The following TCTN3 variants were observed in gnomAD, a reference collection of about 807,000 sequenced individuals.
The protein encoded by TCTN3 is tectonic family member 3, also known as tectonic-3.
In TCTN3, 57 loss-of-function variants were observed where a neutral mutation model predicts 71.3. The ratio of observed to expected loss-of-function variants is 0.80; its 90% CI spans 0.65 to 1.00. The LOEUF (loss-of-function observed/expected upper bound fraction) is 1.00, where lower values mean the gene tolerates loss of function less well. TCTN3 is among the 50% of genes least tolerant of loss of function. TCTN3 has a pLI of 0.00. For missense variants in TCTN3, 696 were observed against 719.9 expected (o/e 0.97, Z 0.38); for synonymous variants, 258 against 267.8 (o/e 0.96, Z 0.36).
At chr10:95,675,824 T>C (rs1401696445) in intron 13 of TCTN3, among the ~76,000 whole-genome samples, 1 of 152,252 alleles carries the variant, frequency 6.6e-6, no homozygotes, top group Non-Finnish European at 1.5e-5. Flanking sequence ...CTCTTAATTA[T>C]TGTTCCTTAT....
rs2097945355 is a variant in TCTN3 at position 95,683,585 on chromosome 10, A to G, written c.1140T>C (p.Ser380=). The G allele has an allele frequency of 5.6e-6, 9 of 1,614,106 alleles. No homozygotes were observed. The East Asian group carries it at 2.0e-4, about 36-fold the overall frequency. The change falls in exon 10 of 14, where the codon AGT becomes AGC. Residue 380 remains serine, a synonymous_variant. Coordinates refer to ENST00000371217, the MANE Select transcript of TCTN3 (RefSeq NM_015631.6). ...STAASLTSPR[S]GNPGYIVGKP... ...TCCCAACTATATAGCCAGGATTCCC[A>G]CTTCTAGGACTGGTGAGAGAAGCAG...
chr10:95,687,448 A>G (rs1566074817), intron 4 of TCTN3, 93 bp from the exon 5 acceptor site: 6 of 1,507,368 alleles, frequency 4.0e-6, no homozygotes, highest in Middle Eastern at 1.8e-4. Flanking sequence ...ACTCAAGGGC[A>G]TGATTACGTG....
chr10:95,683,664 A>C, intron 9 of TCTN3, 35 bp from the exon 10 acceptor site: 1 of 1,572,136 alleles, frequency 6.4e-7, no homozygotes, highest in South Asian at 1.2e-5. Flanking sequence ...AATTATGGAG[A>C]TAAGCATACT....
intron 2 of TCTN3, 123 bp from the exon 3 acceptor site, chr10:95,693,161 A>G: frequency 8.4e-7 from 1 of 1,191,214 alleles, no homozygotes; most frequent in South Asian, 1.5e-5. Flanking sequence ...ATAGGACGAC[A>G]CGAAGGTCTT....
chr10:95,687,634 G>A lies in TCTN3; in HGVS notation c.585C>T (p.Phe195=), dbSNP rs931950647. Residue 195 remains phenylalanine, a synonymous_variant, in exon 4 of 14, where the codon TTC becomes TTT. Transcript: ENST00000371217. ...ALAAEFGGES[F]TSTFQTQSPP... ...GTGATTGAGTTTGGAATGTTGAAGTGAATGATTCGCCTCCAAACTCTGCAG... is the reference window on the plus strand; with the variant it reads ...GTGATTGAGTTTGGAATGTTGAAGTAAATGATTCGCCTCCAAACTCTGCAG... 2 of 1,614,214 alleles carry A rather than the reference G, an allele frequency of 1.2e-6. No individual in the cohort carries two copies. Among genetic ancestry groups the A allele is most frequent in the Non-Finnish European group, 1.7e-6 (2 of 1,180,034 alleles).
At chr10:95,667,001 C>T (rs1239521773) in intron 13 of TCTN3, among the ~76,000 whole-genome samples, 1 of 152,130 alleles carries the variant, frequency 6.6e-6, no homozygotes, top group Admixed American at 6.5e-5. Flanking sequence ...TATCATTAGC[C>T]TCCTCAAACT....
Position 95,679,205 on chromosome 10 carries a change from C to A in TCTN3, c.1590+1267G>T, listed in dbSNP as rs1308449065. Among the ~76,000 whole-genome samples the A allele has an allele frequency of 3.3e-5, 5 of 151,502 alleles. No individual in the cohort carries two copies. In the East Asian group the frequency reaches 7.7e-4, roughly 23 times the overall value. ...AAAGCTATCAGTTAAAATACCCAGA[C>A]AAAAAAAAGGCACTGAGTGACTTCA... On this transcript the variant is annotated intron_variant, in intron 13 of 13. Coordinates refer to ENST00000371217, the MANE Select transcript of TCTN3 (RefSeq NM_015631.6).
chr10:95,693,413 C>G lies in TCTN3; in HGVS notation c.320G>C (p.Arg107Thr). Residue 107 changes from arginine (R) to threonine (T), a missense_variant, in exon 2 of 14, where the codon AGG becomes ACG. Coordinates refer to ENST00000371217, the MANE Select transcript of TCTN3 (RefSeq NM_015631.6). Reference protein sequence around the residue: ...GACDINCCCDRDCYLLHPRTV... With the variant: ...GACDINCCCDTDCYLLHPRTV... ...CCTCGGATGGAGAAGATAGCAGTCCCTGTCGCAGCAGCAATTTATATCGCA... is the reference window on the plus strand; with the variant it reads ...CCTCGGATGGAGAAGATAGCAGTCCGTGTCGCAGCAGCAATTTATATCGCA... 1.3e-6 allele frequency: 2 copies of G among 1,551,996 alleles called. No homozygotes were observed. The highest frequency in any genetic ancestry group is 1.7e-6 in the Non-Finnish European group (2 of 1,147,062).
chr10:95,678,514 C>T (rs1311407654), intron 13 of TCTN3, among the ~76,000 whole-genome samples: 1 of 101,332 alleles, frequency 9.9e-6, no homozygotes, highest in Non-Finnish European at 1.9e-5. Context: ...GGCTGGGAAA[C>T]AAGAGTGAAA....
At chr10:95,678,973 T>C (rs577711190) in intron 13 of TCTN3, among the ~76,000 whole-genome samples, 2 of 152,336 alleles carry the variant, frequency 1.3e-5, no homozygotes, top group Non-Finnish European at 2.9e-5. Flanking sequence ...TGGTTTTGTG[T>C]ATATCATACC....
intron 7 of TCTN3, 112 bp downstream of exon 7, chr10:95,686,383 G>GATCC: frequency 5.3e-6 from 6 of 1,124,892 alleles, no homozygotes; most frequent in Non-Finnish European, 8.1e-6. Context: ...TTAATTGTTT[G>GATCC]CTACATCACG....
At chr10:95,693,513 T>A (rs866003650) in intron 1 of TCTN3, 37 bp from the exon 2 acceptor site, 5 of 1,551,642 alleles carry the variant, frequency 3.2e-6, no homozygotes, top group Middle Eastern at 1.7e-4. Flanking sequence ...GGGATGAAGA[T>A]CCCCAAACTC....
chr10:95,684,132 T>TC (rs2097945945), intron 9 of TCTN3, among the ~76,000 whole-genome samples: 1 of 152,066 alleles, frequency 6.6e-6, no homozygotes, highest in Non-Finnish European at 1.5e-5. Flanking sequence ...AACACTCAGA[T>TC]TAAGTGGGAA....
intron 3 of TCTN3, 39 bp downstream of exon 3, chr10:95,692,881 G>C (rs1221346018): frequency 2.1e-6 from 3 of 1,462,044 alleles, no homozygotes; most frequent in African/African-American, 2.8e-5. Flanking sequence ...TAACACTCCT[G>C]TGTTAGAAAA....
intron 13 of TCTN3, 129 bp from the exon 14 acceptor site, chr10:95,664,429 A>G (rs1010468176): frequency 5.2e-6 from 4 of 764,896 alleles, no homozygotes; most frequent in Non-Finnish European, 8.7e-6. Context: ...CCTTTATCTC[A>G]TATTGGTCCT....
Position 95,680,536 on chromosome 10 carries a change from A to T in TCTN3, c.1526T>A (p.Leu509His), listed in dbSNP as rs2097941933. ...EIQVLWAYVG[L>H]LSNPQAHVSG... ...TACATGAGCTTGCGGGTTGGACAGGAGACCTACATATGCCCACAATACCTG... is the reference window on the plus strand; with the variant it reads ...TACATGAGCTTGCGGGTTGGACAGGTGACCTACATATGCCCACAATACCTG... The change falls in exon 13 of 14, where the codon CTC (leucine) becomes CAC (histidine). Residue 509 changes from leucine to histidine, a missense_variant. Coordinates refer to ENST00000371217, the MANE Select transcript of TCTN3 (RefSeq NM_015631.6). 1.5e-5 allele frequency: 25 copies of T among 1,614,060 alleles called. No homozygotes were observed. Among genetic ancestry groups the T allele is most frequent in the Non-Finnish European group, 2.1e-5 (25 of 1,180,026 alleles).
rs2097944738 is a variant in TCTN3 at position 95,683,134 on chromosome 10, A to C, written c.1265T>G (p.Phe422Cys). Residue 422 changes from phenylalanine to cysteine, a missense_variant, in exon 11 of 14, where the codon TTT becomes TGT. By Grantham distance (205) the Phe-to-Cys change is radical. Transcript: ENST00000371217. ...GCATCCAGATATTGCATTCACTCCA[A>C]ACTGCACTTCATGTCTTTTAACAGA... ...SCSVKRHEVQ[F>C]GVNAISGCKL... 1 of 1,614,122 alleles carries C rather than the reference A, an allele frequency of 6.2e-7. No homozygotes were observed. The highest frequency in any genetic ancestry group is 8.5e-7 in the Non-Finnish European group (1 of 1,180,004).
chr10:95,663,891 T>C lies in TCTN3; in HGVS notation c.*176A>G, dbSNP rs997462244. 48 of 604,742 alleles carry C rather than the reference T, an allele frequency of 7.9e-5. No individual in the cohort carries two copies. The highest frequency in any genetic ancestry group is 2.4e-4 in the Admixed American group (8 of 33,636). 37.5% of individuals were successfully genotyped at this position (604,742 alleles called of 1,614,324 possible). A position where few individuals can be genotyped will look rare whatever the true frequency, so the allele number is the denominator to read the frequency against. On this transcript the variant is annotated 3_prime_UTR_variant, in exon 14 of 14. Transcript: ENST00000371217. The stretch of plus-strand genomic sequence containing the variant: ...AAGCAGAGAGCTATGATGAATAAAA[T>C]ATTTTTATTGCTTTTCTAAAATAAC...
chr10:95,664,354 C>A, intron 13 of TCTN3, 54 bp from the exon 14 acceptor site: 1 of 1,441,394 alleles, frequency 6.9e-7, no homozygotes, highest in Non-Finnish European at 9.7e-7. Flanking sequence ...TCATATAGCA[C>A]TCTAACTTGG....
Sources: gnomAD v4.1 joint callset for allele counts (sites outside exome capture counted in the v4.1 genomes callset) on GRCh38, gnomAD v4.1.1 for gene constraint, MANE v1.5 for transcripts, NCBI Gene and HGNC (gene_info 2026-07-23, HGNC 2026-07-21) for gene names.